The following PDSS2 variants were observed in gnomAD, a reference collection of about 807,000 sequenced individuals.
The protein encoded by PDSS2 is decaprenyl diphosphate synthase subunit 2.
A neutral mutation model predicts 44.5 loss-of-function variants in PDSS2; 31 were observed. That is an observed-to-expected ratio of 0.70 (90% CI 0.52 to 0.94). The LOEUF (loss-of-function observed/expected upper bound fraction) is 0.94, where lower values mean the gene tolerates loss of function less well. Ranked by LOEUF, PDSS2 falls within the 40% of genes least tolerant of loss-of-function variation. The pLI is 0.00. For synonymous variants in PDSS2, 157 were observed against 180.3 expected (o/e 0.87, Z 1.03); for missense variants, 452 against 482.2 (o/e 0.94, Z 0.59).
At chr6:107,442,977 T>C (rs1329627199) in intron 1 of PDSS2, among the ~76,000 whole-genome samples, 2 of 152,234 alleles carry the variant, frequency 1.3e-5, no homozygotes, top group Non-Finnish European at 2.9e-5. Context: ...AACACTTTTA[T>C]CCTAACATAT....
intron 4 of PDSS2, among the ~76,000 whole-genome samples, chr6:107,220,454 C>T (rs150213608): frequency 1.6e-4 from 24 of 151,948 alleles, no homozygotes; most frequent in African/African-American, 5.3e-4. Context: ...TAATAAACAG[C>T]CTGTCCTCAA....
chr6:107,384,963 C>G (rs1779567758), intron 1 of PDSS2, among the ~76,000 whole-genome samples: 1 of 152,188 alleles, frequency 6.6e-6, no homozygotes, highest in Non-Finnish European at 1.5e-5. Context: ...AGTTCTACTT[C>G]CCTTCTTCAT....
At chr6:107,229,140 A>T (rs1213998304) in intron 4 of PDSS2, among the ~76,000 whole-genome samples, 1 of 152,034 alleles carries the variant, frequency 6.6e-6, no homozygotes, top group African/African-American at 2.4e-5. Flanking sequence ...TATATAATTA[A>T]GACATTTTTA....
At chr6:107,397,955 G>A (rs1192345169) in intron 1 of PDSS2, among the ~76,000 whole-genome samples, 1 of 151,910 alleles carries the variant, frequency 6.6e-6, no homozygotes, top group East Asian at 1.9e-4. Flanking sequence ...ATCAATGCAT[G>A]GTACAAAATT....
intron 3 of PDSS2, among the ~76,000 whole-genome samples, chr6:107,260,658 A>ATTTTTTTT (rs540553793): frequency 1.1e-5 from 1 of 93,428 alleles, no homozygotes. Context: ...TTCCCCCTTC[A>ATTTTTTTT]TTTTTTTTTT....
chr6:107,324,522 T>C (rs188152062), intron 2 of PDSS2, among the ~76,000 whole-genome samples: 9 of 152,300 alleles, frequency 5.9e-5, no homozygotes, highest in Admixed American at 5.9e-4. Flanking sequence ...ATGAATAGGT[T>C]ATTAAAAAAC....
At chr6:107,221,613 G>A (rs1307690530) in intron 4 of PDSS2, among the ~76,000 whole-genome samples, 1 of 152,046 alleles carries the variant, frequency 6.6e-6, no homozygotes, top group Non-Finnish European at 1.5e-5. Flanking sequence ...AATAACATGG[G>A]AAAAAAACTG....
intron 2 of PDSS2, among the ~76,000 whole-genome samples, chr6:107,301,304 T>C (rs2115064511): frequency 6.6e-6 from 1 of 152,302 alleles, no homozygotes; most frequent in African/African-American, 2.4e-5. Flanking sequence ...AATTGCCCGG[T>C]GTGTGCAGTG....
chr6:107,332,312 C>A (rs1051295812), intron 2 of PDSS2, among the ~76,000 whole-genome samples: 1 of 151,896 alleles, frequency 6.6e-6, no homozygotes, highest in Non-Finnish European at 1.5e-5. Context: ...CTCCATGTTG[C>A]CCAGGCTGGT....
At chr6:107,281,922 T>C (rs944619353) in intron 2 of PDSS2, among the ~76,000 whole-genome samples, 1 of 152,208 alleles carries the variant, frequency 6.6e-6, no homozygotes, top group Non-Finnish European at 1.5e-5. Flanking sequence ...ATTTATTTTT[T>C]TGAGACAGAG....
At chr6:107,195,628 C>T (rs1439080225) in intron 6 of PDSS2, among the ~76,000 whole-genome samples, 4 of 146,816 alleles carry the variant, frequency 2.7e-5, no homozygotes, top group African/African-American at 5.1e-5. Context: ...TGGTGTATCT[C>T]GGCTCACTGC....
intron 2 of PDSS2, among the ~76,000 whole-genome samples, chr6:107,286,796 G>T (rs556652601): frequency 6.6e-6 from 1 of 152,188 alleles, no homozygotes; most frequent in East Asian, 1.9e-4. Flanking sequence ...TGTAATCCCA[G>T]CACTTTGAGA....
intron 3 of PDSS2, 40 bp downstream of exon 3, chr6:107,273,989 T>A (rs759323651): frequency 6.4e-7 from 1 of 1,550,918 alleles, no homozygotes; most frequent in Admixed American, 1.7e-5. Context: ...AATTGCTACC[T>A]GAAGCCATTC....
intron 2 of PDSS2, among the ~76,000 whole-genome samples, chr6:107,300,744 A>C (rs2500594): frequency 0.94 from 143,506 of 152,164 alleles, 68,167 homozygotes; most frequent in East Asian, 1. Context: ...CTTGCAATTG[A>C]AAAACAAAAA....
intron 1 of PDSS2, among the ~76,000 whole-genome samples, chr6:107,406,138 C>T (rs575461836): frequency 6.6e-6 from 1 of 152,254 alleles, no homozygotes; most frequent in South Asian, 2.1e-4. Context: ...CTTTGACTTT[C>T]CCACCTCTCT....
intron 1 of PDSS2, among the ~76,000 whole-genome samples, chr6:107,379,490 G>A (rs1779391362): frequency 6.6e-6 from 1 of 152,160 alleles, no homozygotes. Flanking sequence ...ATCTTATACT[G>A]AGAGTGATGA....
chr6:107,288,049 T>C (rs1307609846), intron 2 of PDSS2, among the ~76,000 whole-genome samples: 1 of 151,374 alleles, frequency 6.6e-6, no homozygotes, highest in East Asian at 2.0e-4. Context: ...GGGGTTTTCC[T>C]ATGTCAGCAG....
chr6:107,248,516 TA>T (rs34881663), intron 3 of PDSS2, among the ~76,000 whole-genome samples: 56,622 of 121,734 alleles, frequency 0.47, 12,910 homozygotes, highest in East Asian at 0.73. Context: ...AGGGAACTGT[TA>T]AAAAAAAAAA....
chr6:107,205,309 C>A (rs1772934458), intron 6 of PDSS2, among the ~76,000 whole-genome samples: 1 of 152,114 alleles, frequency 6.6e-6, no homozygotes, highest in Non-Finnish European at 1.5e-5. Context: ...TTAGGAATAG[C>A]CAAGAAAATC....
Sources: allele counts gnomAD v4.1 joint callset (sites outside exome capture counted in the v4.1 genomes callset), GRCh38; gene constraint gnomAD v4.1.1; transcripts MANE v1.5; gene names NCBI Gene and HGNC (gene_info 2026-07-23, HGNC 2026-07-21).